IGF2BP3: variants seen among roughly 807,000 people sequenced by gnomAD.
The protein encoded by IGF2BP3 is insulin-like growth factor 2 mRNA-binding protein 3.
Under a neutral mutation model 73.8 loss-of-function variants are expected in IGF2BP3, and 9 were observed. That is an observed-to-expected ratio of 0.12 (90% CI 0.07 to 0.21). The LOEUF (loss-of-function observed/expected upper bound fraction) is 0.21, where lower values mean the gene tolerates loss of function less well. Ranked by LOEUF, IGF2BP3 falls within the 10% of genes least tolerant of loss-of-function variation. IGF2BP3 has a pLI of 1.00. For synonymous variants in IGF2BP3, 258 were observed against 256.7 expected (o/e 1.01, Z -0.05); for missense variants, 542 against 714.0 (o/e 0.76, Z 2.75).
chr7:23,452,035 C>T (rs1374619864), intron 2 of IGF2BP3, among the ~76,000 whole-genome samples: 2 of 149,804 alleles, frequency 1.3e-5, no homozygotes, highest in Non-Finnish European at 3.0e-5. Flanking sequence ...GATGGAGTCT[C>T]CCGCTGTCAC....
intron 10 of IGF2BP3, among the ~76,000 whole-genome samples, chr7:23,323,580 T>A (rs1286147985): frequency 6.7e-6 from 1 of 149,124 alleles, no homozygotes; most frequent in Non-Finnish European, 1.5e-5. Context: ...CTAATAGACA[T>A]CTACAGAACT....
In IGF2BP3 at chr7:23,418,842, T is replaced by C; in HGVS notation, c.237-18A>G. On this transcript the variant is annotated intron_variant, in intron 2 of 14. Coordinates refer to ENST00000258729, the MANE Select transcript of IGF2BP3 (RefSeq NM_006547.3). The stretch of plus-strand genomic sequence containing the variant: ...TCCGAATCCTGCAGAAGAATTAAAA[T>C]GTTTTTTAAAAGAAAAAAACATAAA... 1 of 1,540,120 alleles carries C rather than the reference T, an allele frequency of 6.5e-7. No homozygotes were observed. The highest frequency in any genetic ancestry group is 8.8e-7 in the Non-Finnish European group (1 of 1,132,726).
At chr7:23,404,140 C>G (rs1264888841) in intron 3 of IGF2BP3, among the ~76,000 whole-genome samples, 1 of 144,272 alleles carries the variant, frequency 6.9e-6, no homozygotes, top group African/African-American at 2.6e-5. Context: ...TTGAAAAAAT[C>G]AAATGGAAAA....
intron 13 of IGF2BP3, 74 bp downstream of exon 13, chr7:23,313,448 G>T: frequency 6.6e-7 from 1 of 1,503,962 alleles, no homozygotes. Context: ...CAAAATTCGG[G>T]GACTTGGAAC....
At chr7:23,366,627 T>G (rs1465358656) in intron 3 of IGF2BP3, among the ~76,000 whole-genome samples, 1 of 150,906 alleles carries the variant, frequency 6.6e-6, no homozygotes, top group African/African-American at 2.4e-5. Flanking sequence ...AGAATCAATC[T>G]TGGTACCTAG....
chr7:23,385,258 C>T (rs1000402876), intron 3 of IGF2BP3, among the ~76,000 whole-genome samples: 1 of 152,118 alleles, frequency 6.6e-6, no homozygotes, highest in Admixed American at 6.6e-5. Flanking sequence ...TCTGTACTAC[C>T]ATCTATGAAG....
intron 2 of IGF2BP3, among the ~76,000 whole-genome samples, chr7:23,433,135 A>T (rs1388164777): frequency 1.3e-5 from 2 of 152,228 alleles, no homozygotes; most frequent in Non-Finnish European, 2.9e-5. Context: ...AGGAATAAAG[A>T]ACTTGGATAT....
intron 3 of IGF2BP3, among the ~76,000 whole-genome samples, chr7:23,390,505 G>C (rs1009229860): frequency 3.5e-4 from 53 of 152,280 alleles, no homozygotes; most frequent in Admixed American, 3.0e-3. Flanking sequence ...GCTAGATTAG[G>C]GTAAACCACC....
chr7:23,330,983 G>A (rs1784430344), intron 10 of IGF2BP3, among the ~76,000 whole-genome samples: 1 of 151,298 alleles, frequency 6.6e-6, no homozygotes, highest in South Asian at 2.1e-4. Flanking sequence ...TTTTTTAGTA[G>A]AGATGGGGTT....
intron 10 of IGF2BP3, among the ~76,000 whole-genome samples, chr7:23,338,022 AT>A (rs11436871): frequency 2.6e-5 from 4 of 151,380 alleles, no homozygotes; most frequent in East Asian, 1.9e-4. Context: ...AATTTAAGCC[AT>A]TTTTTTTTCT....
rs561828360 is a variant in IGF2BP3, at chr7:23,396,339, T to C, written c.285+22437A>G. On this transcript the variant is annotated intron_variant, in intron 3 of 14. Transcript: ENST00000258729. ...GGGAGGATCACTTTAGCCTAGGAGT[T>C]TGATGCAGCAGTCAGCTATGATCTC... 2.0e-5 allele frequency: 3 copies of C among 152,556 alleles called. No homozygotes were observed. The South Asian group carries it at 6.2e-4, about 31-fold the overall frequency. The allele number at this position is 152,556 out of a possible 1,614,324, so 9.5% of individuals were successfully genotyped here. A position where few individuals can be genotyped will look rare whatever the true frequency, so the allele number is the denominator to read the frequency against.
rs560082058 is a variant in IGF2BP3 at position 23,425,771 on chromosome 7, C to T, written c.237-6947G>A. On this transcript the variant is annotated intron_variant, in intron 2 of 14. Transcript: ENST00000258729. ...TAATTATCACCCCTAATTTTTTATT[C>T]TCATGCTTTGATTTACAACAGTTAT... 2.0e-5 allele frequency among the ~76,000 whole-genome samples: 3 copies of T among 152,194 alleles called. No individual in the cohort carries two copies. The South Asian group carries it at 6.2e-4, about 32-fold the overall frequency.
chr7:23,396,696 GTT>G (rs1786484865), intron 3 of IGF2BP3, among the ~76,000 whole-genome samples: 1 of 151,842 alleles, frequency 6.6e-6, no homozygotes, highest in Non-Finnish European at 1.5e-5. Context: ...AAATAAGACT[GTT>G]GGGGGGGAAA....
At position 23,322,956 on chromosome 7, in the gene IGF2BP3, A is replaced by G. The variant is rs545751111; in HGVS notation, c.1204-3702T>C. On this transcript the variant is annotated intron_variant, in intron 10 of 14. Transcript: ENST00000258729. ...TGGAAAGGAACAACCGGTACCAGCC[A>G]CTGCAAAATCATGCCAAAACGTAAA... 9.3e-4 allele frequency among the ~76,000 whole-genome samples: 142 copies of G among 152,344 alleles called. 1 individual carries two copies. The highest frequency in any genetic ancestry group is 3.2e-3 in the African/African-American group (131 of 41,578).
rs780787989 is a variant in IGF2BP3 at position 23,310,277 on chromosome 7, CATT to C, written c.*2082_*2084del. ...GGAAAATGAAGCTGCATTTGGGGCACATTATACATGAGGAATGATCCATATATG... is the reference window on the plus strand; with the variant it reads ...GGAAAATGAAGCTGCATTTGGGGCACATACATGAGGAATGATCCATATATG... On this transcript the variant is annotated 3_prime_UTR_variant, in exon 15 of 15. Coordinates refer to ENST00000258729, the MANE Select transcript of IGF2BP3 (RefSeq NM_006547.3). 2 of 152,278 alleles carry C rather than the reference CATT, an allele frequency of 1.3e-5. No individual in the cohort carries two copies. The highest frequency in any genetic ancestry group is 4.1e-4 in the South Asian group (2 of 4,822). The allele number at this position is 152,278 out of a possible 1,614,324, so 9.4% of individuals were successfully genotyped here.
intron 2 of IGF2BP3, among the ~76,000 whole-genome samples, chr7:23,457,048 C>G (rs1788339720): frequency 6.6e-6 from 1 of 150,904 alleles, no homozygotes; most frequent in Admixed American, 6.6e-5. Flanking sequence ...GACTCTGTCT[C>G]AAAAAACAAA....
Position 23,469,829 on chromosome 7 carries a change from C to T in IGF2BP3, c.175+107G>A. ...GGTGTGGGCGCTCAGGCCTCACCCCCGCTCCCCCAGCGCGCCGGGCCTGGG... is the reference window on the plus strand; with the variant it reads ...GGTGTGGGCGCTCAGGCCTCACCCCTGCTCCCCCAGCGCGCCGGGCCTGGG... On this transcript the variant is annotated intron_variant, in intron 1 of 14. Transcript: ENST00000258729. The surrounding 1 kb of genome is among the most constrained non-coding windows in gnomAD (Gnocchi z 6.1). 3.0e-6 allele frequency: 2 copies of T among 662,690 alleles called. No homozygotes were observed. The highest frequency in any genetic ancestry group is 6.7e-5 in the South Asian group (1 of 14,818). 41.1% of individuals were successfully genotyped at this position (662,690 alleles called of 1,614,324 possible). A position where few individuals can be genotyped will look rare whatever the true frequency, so the allele number is the denominator to read the frequency against.
rs147193554 is a variant in IGF2BP3 at position 23,411,186 on chromosome 7, G to A, written c.285+7590C>T. Among the ~76,000 whole-genome samples, 259 of 152,232 alleles carry A rather than the reference G, an allele frequency of 1.7e-3. 2 individuals carry two copies. The highest frequency in any genetic ancestry group is 5.9e-3 in the African/African-American group (247 of 41,526). On this transcript the variant is annotated intron_variant, in intron 3 of 14. Transcript: ENST00000258729. ...TCTCTGACTCCCATTACTACTTCTC[G>A]CTCAGCTCATGGACAGTCTCAACGT...
At chr7:23,380,158 T>A (rs917419406) in intron 3 of IGF2BP3, among the ~76,000 whole-genome samples, 1 of 11,520 alleles carries the variant, frequency 8.7e-5, no homozygotes, top group South Asian at 6.9e-3. Context: ...ACTATGCCTC[T>A]TTTTTTTTTT....
Sources: gnomAD v4.1 joint callset for allele counts (sites outside exome capture counted in the v4.1 genomes callset) on GRCh38, gnomAD v4.1.1 for gene constraint, Gnocchi (gnomAD v3.1) non-coding constraint, MANE v1.5 for transcripts, NCBI Gene and HGNC (gene_info 2026-07-23, HGNC 2026-07-21) for gene names.